Variants in OSBPL3 observed in about 807,000 individuals in gnomAD.
OSBPL3 encodes the protein oxysterol binding protein like 3, also known as oxysterol-binding protein-related protein 3.
OSBPL3 carries 65 observed loss-of-function variants against 120.1 expected under a neutral mutation model. The observed-to-expected ratio is 0.54, with a 90% confidence interval of 0.44 to 0.67. The LOEUF is 0.67. Among genes scored for constraint, OSBPL3 ranks in the 30% least tolerant of loss-of-function variants. The pLI, the probability that OSBPL3 is intolerant of heterozygous loss-of-function variation, is 0.00. For synonymous variants in OSBPL3, 416 were observed against 402.6 expected (o/e 1.03, Z -0.40); for missense variants, 1,004 against 1,082.1 (o/e 0.93, Z 1.01).
At chr7:24,837,339 G>GA (rs1392735901) in intron 14 of OSBPL3, among the ~76,000 whole-genome samples, 5 of 152,090 alleles carry the variant, frequency 3.3e-5, no homozygotes, top group African/African-American at 1.2e-4. Flanking sequence ...GAGTAGCTCA[G>GA]ACTACAGACA....
At chr7:24,978,217 G>C (rs1440480513) in intron 1 of OSBPL3, among the ~76,000 whole-genome samples, 3 of 152,144 alleles carry the variant, frequency 2.0e-5, no homozygotes, top group Non-Finnish European at 4.4e-5. Context: ...AAAGTTCCTA[G>C]TATTGCTATT....
chr7:24,884,298 C>T (rs191234197), intron 2 of OSBPL3, among the ~76,000 whole-genome samples: 22 of 152,214 alleles, frequency 1.4e-4, no homozygotes, highest in Admixed American at 1.2e-3. Flanking sequence ...AGTTGGTTGC[C>T]GGGTCACCTA....
chr7:24,814,292 GTA>G (rs3038370), intron 19 of OSBPL3, among the ~76,000 whole-genome samples: 94,253 of 151,388 alleles, frequency 0.62, 29,922 homozygotes, highest in East Asian at 0.97. Context: ...TGGCGTGTGT[GTA>G]TATGGGTGTA....
rs890233371 is a variant in OSBPL3, at chr7:24,938,940, GATTA to G, written c.-150+40942_-150+40945del. On this transcript the variant is annotated intron_variant, in intron 1 of 22. Coordinates refer to ENST00000313367, the MANE Select transcript of OSBPL3 (RefSeq NM_015550.4). This position sits in a 1 kb window ranked among gnomAD's most constrained non-coding sequence, Gnocchi z 5.8. ...CATTATTTGACATAGTAAATGATGT[GATTA>G]ATTAAGATGCAGAACACAAGAACAA... Among the ~76,000 whole-genome samples, 25 of 152,066 alleles carry G rather than the reference GATTA, an allele frequency of 1.6e-4. No individual in the cohort carries two copies. Among genetic ancestry groups the G allele is most frequent in the African/African-American group, 5.3e-4 (22 of 41,468 alleles).
intron 2 of OSBPL3, among the ~76,000 whole-genome samples, chr7:24,875,277 G>A (rs1562868399): frequency 6.6e-6 from 1 of 152,170 alleles, no homozygotes; most frequent in Non-Finnish European, 1.5e-5. Context: ...ACTTTACCAA[G>A]TGTCTCCTAC....
chr7:24,800,937 C>CTTTT (rs56365128), intron 22 of OSBPL3, among the ~76,000 whole-genome samples: 1 of 138,796 alleles, frequency 7.2e-6, no homozygotes, highest in Non-Finnish European at 1.6e-5. Flanking sequence ...AAGTGGTTAA[C>CTTTT]TTTTTTTTTT....
intron 1 of OSBPL3, among the ~76,000 whole-genome samples, chr7:24,949,948 T>C (rs1814190695): frequency 6.6e-6 from 1 of 152,224 alleles, no homozygotes; most frequent in South Asian, 2.1e-4. Flanking sequence ...CCAGGCCTTA[T>C]GGACTATTTC....
chr7:24,910,021 G>A (rs1293060197), intron 1 of OSBPL3, among the ~76,000 whole-genome samples: 1 of 151,892 alleles, frequency 6.6e-6, no homozygotes, highest in Non-Finnish European at 1.5e-5. Flanking sequence ...GGTCAGGCTG[G>A]TCTCGAACTT....
chr7:24,812,264 A>T (rs1793903302), intron 19 of OSBPL3, among the ~76,000 whole-genome samples: 1 of 146,786 alleles, frequency 6.8e-6, no homozygotes, highest in Non-Finnish European at 1.5e-5. Context: ...CTGAGATTGC[A>T]CCACTGCACT....
At chr7:24,935,883 T>C (rs1438069264) in intron 1 of OSBPL3, among the ~76,000 whole-genome samples, 1 of 149,326 alleles carries the variant, frequency 6.7e-6, no homozygotes, top group African/African-American at 2.5e-5. Context: ...AGAAGGAATC[T>C]TTTTTTTTTA....
intron 1 of OSBPL3, among the ~76,000 whole-genome samples, chr7:24,961,882 G>C (rs956590770): frequency 6.6e-6 from 1 of 152,216 alleles, no homozygotes; most frequent in South Asian, 2.1e-4. Flanking sequence ...GGATAGCATC[G>C]AGCTGGCCAT....
rs147105459 is a variant in OSBPL3, at chr7:24,912,417, T to C, written c.-149-19796A>G. Among the ~76,000 whole-genome samples, 451 of 152,338 alleles carry C rather than the reference T, an allele frequency of 3.0e-3. 2 individuals are homozygous for C. Among genetic ancestry groups the C allele is most frequent in the Middle Eastern group, 0.014 (4 of 294 alleles). On this transcript the variant is annotated intron_variant, in intron 1 of 22. Coordinates refer to ENST00000313367, the MANE Select transcript of OSBPL3 (RefSeq NM_015550.4). The surrounding 1 kb of genome is among the most constrained non-coding windows in gnomAD (Gnocchi z 4.5). Reference sequence around the variant, plus strand: ...TTGATCTTCCTTGCATATTCCCCTATGTTGCAGATTCACTGCAGACATCCA... The same window carrying C: ...TTGATCTTCCTTGCATATTCCCCTACGTTGCAGATTCACTGCAGACATCCA...
At chr7:24,870,311 T>G (rs1303878235) in intron 5 of OSBPL3, among the ~76,000 whole-genome samples, 1 of 152,210 alleles carries the variant, frequency 6.6e-6, no homozygotes, top group Non-Finnish European at 1.5e-5. Context: ...AATATGAGAA[T>G]TTTAGTGGGA....
In OSBPL3 at chr7:24,972,010, C is replaced by G. The variant is rs1393238019; in HGVS notation, c.-150+7876G>C. Among the ~76,000 whole-genome samples, 1 of 152,200 alleles carries G rather than the reference C, an allele frequency of 6.6e-6. No individual in the cohort carries two copies. The highest frequency in any genetic ancestry group is 2.4e-5 in the African/African-American group (1 of 41,450). ...TGTATTCTTTTAGGCTTCACATACC[C>G]CTAACCCACTTTGCCTCAGATGCCA... On this transcript the variant is annotated intron_variant, in intron 1 of 22. Transcript: ENST00000313367. This position sits in a 1 kb window ranked among gnomAD's most constrained non-coding sequence, Gnocchi z 4.3.
In OSBPL3 at chr7:24,804,232, G is replaced by C; in HGVS notation, c.2567+83C>G. On this transcript the variant is annotated intron_variant, in intron 22 of 22. Transcript: ENST00000313367. The surrounding 1 kb of genome is among the most constrained non-coding windows in gnomAD (Gnocchi z 5.4). Reference sequence around the variant, plus strand: ...TGGAGAATGCTCTTATCTGGGGACAGTACTGTTCACTTTCTGCAAACCAGA... The same window carrying C: ...TGGAGAATGCTCTTATCTGGGGACACTACTGTTCACTTTCTGCAAACCAGA... 2.0e-6 allele frequency: 3 copies of C among 1,512,344 alleles called. No individual in the cohort carries two copies. The highest frequency in any genetic ancestry group is 2.8e-6 in the Non-Finnish European group (3 of 1,090,438). 93.7% of individuals were successfully genotyped at this position (1,512,344 alleles called of 1,614,324 possible). A position where few individuals can be genotyped will look rare whatever the true frequency, so the allele number is the denominator to read the frequency against.
intron 1 of OSBPL3, among the ~76,000 whole-genome samples, chr7:24,954,154 A>G (rs1348786885): frequency 1.3e-5 from 2 of 152,236 alleles, no homozygotes; most frequent in Non-Finnish European, 2.9e-5. Context: ...GAATCACTCA[A>G]GCCAAAGTAC....
intron 1 of OSBPL3, among the ~76,000 whole-genome samples, chr7:24,925,847 C>T (rs957155405): frequency 3.3e-5 from 5 of 152,156 alleles, no homozygotes; most frequent in African/African-American, 1.2e-4. Context: ...ATTTATTTCA[C>T]CCAGATTTGT....
intron 19 of OSBPL3, 118 bp downstream of exon 19, chr7:24,814,941 T>A (rs1794287715): frequency 1.8e-5 from 17 of 921,564 alleles, no homozygotes; most frequent in Middle Eastern, 6.2e-4. Flanking sequence ...AGCTCAGGCA[T>A]TGCTTGCCTG....
chr7:24,905,907 C>A (rs1298818299), intron 1 of OSBPL3, among the ~76,000 whole-genome samples: 2 of 152,076 alleles, frequency 1.3e-5, no homozygotes, highest in Non-Finnish European at 2.9e-5. Flanking sequence ...TGGCGGGGAC[C>A]TGTAATCCCA....
Sources: allele counts gnomAD v4.1 joint callset (sites outside exome capture counted in the v4.1 genomes callset), GRCh38; gene constraint gnomAD v4.1.1; non-coding constraint Gnocchi (gnomAD v3.1); transcripts MANE v1.5; gene names NCBI Gene and HGNC (gene_info 2026-07-23, HGNC 2026-07-21).